Variants in ZBTB20 observed in about 807,000 individuals in gnomAD.
The protein encoded by ZBTB20 is zinc finger and BTB domain containing 20.
Under a neutral mutation model 56.9 loss-of-function variants are expected in ZBTB20, and 9 were observed. That is an observed-to-expected ratio of 0.16 (90% CI 0.10 to 0.28). The LOEUF is 0.28. ZBTB20 is among the 10% of genes least tolerant of loss of function. The pLI is 1.00. For missense variants in ZBTB20, 655 were observed against 1,003.0 expected (o/e 0.65, Z 4.69); for synonymous variants, 417 against 420.7 (o/e 0.99, Z 0.11).
chr3:114,653,110 T>C (rs1175765189), intron 6 of ZBTB20, among the ~76,000 whole-genome samples: 1 of 151,978 alleles, frequency 6.6e-6, no homozygotes, highest in Admixed American at 6.6e-5. Flanking sequence ...TCCTTTCCTA[T>C]GCTTATACCT....
At chr3:114,996,430 T>C (rs1049744307) in intron 2 of ZBTB20, among the ~76,000 whole-genome samples, 2 of 151,730 alleles carry the variant, frequency 1.3e-5, no homozygotes, top group Non-Finnish European at 2.9e-5. Context: ...ATTGTTCAAA[T>C]CCCACTTATG....
At chr3:114,434,315 G>A (rs1309242549) in intron 7 of ZBTB20, among the ~76,000 whole-genome samples, 1 of 152,058 alleles carries the variant, frequency 6.6e-6, no homozygotes, top group Non-Finnish European at 1.5e-5. Flanking sequence ...TAGCCCCTAA[G>A]GAGTATGAGT....
At chr3:114,991,601 C>T (rs2078813255) in intron 2 of ZBTB20, among the ~76,000 whole-genome samples, 1 of 152,080 alleles carries the variant, frequency 6.6e-6, no homozygotes, top group African/African-American at 2.4e-5. Flanking sequence ...GTGGAGAGTT[C>T]TGTAGATGTC....
chr3:114,734,396 CTG>C (rs2065982602), intron 5 of ZBTB20, among the ~76,000 whole-genome samples: 1 of 151,960 alleles, frequency 6.6e-6, no homozygotes, highest in South Asian at 2.1e-4. Context: ...TTGAAAAAAA[CTG>C]TTACAATATG....
intron 5 of ZBTB20, among the ~76,000 whole-genome samples, chr3:114,766,297 A>T (rs2068781396): frequency 6.6e-6 from 1 of 152,082 alleles, no homozygotes; most frequent in African/African-American, 2.4e-5. Context: ...GGGCACAGAA[A>T]CGGATAAAAA....
At chr3:114,454,167 A>G (rs2091834735) in intron 7 of ZBTB20, among the ~76,000 whole-genome samples, 2 of 107,416 alleles carry the variant, frequency 1.9e-5, no homozygotes, top group Admixed American at 1.1e-4. Flanking sequence ...GAGAGAGGAA[A>G]AGAGAAGGGA....
intron 3 of ZBTB20, among the ~76,000 whole-genome samples, chr3:114,919,200 G>A (rs1341055912): frequency 6.6e-6 from 1 of 152,112 alleles, no homozygotes; most frequent in Non-Finnish European, 1.5e-5. Flanking sequence ...TGGGGGCCTG[G>A]GGGAAAAGCA....
intron 2 of ZBTB20, among the ~76,000 whole-genome samples, chr3:115,012,195 C>T (rs1418177360): frequency 3.3e-5 from 5 of 151,522 alleles, no homozygotes; most frequent in Admixed American, 2.6e-4. Flanking sequence ...AACAAAATGG[C>T]GGGAGTAAGT....
intron 1 of ZBTB20, among the ~76,000 whole-genome samples, chr3:115,072,954 T>C (rs1365479625): frequency 6.6e-6 from 1 of 152,174 alleles, no homozygotes; most frequent in African/African-American, 2.4e-5. Flanking sequence ...ATATCTGTCT[T>C]ATGAGATTGT....
chr3:114,927,731 T>TA (rs1371655015), intron 3 of ZBTB20, among the ~76,000 whole-genome samples: 4 of 152,126 alleles, frequency 2.6e-5, no homozygotes, highest in African/African-American at 7.2e-5. Flanking sequence ...GTGTAAAATT[T>TA]AAAAAAACCT....
chr3:114,633,012 T>C (rs1394785732), intron 6 of ZBTB20, among the ~76,000 whole-genome samples: 1 of 152,228 alleles, frequency 6.6e-6, no homozygotes, highest in Non-Finnish European at 1.5e-5. Context: ...AGACCAAACA[T>C]GAATATGACT....
chr3:114,996,078 T>G (rs1304514110), intron 2 of ZBTB20, among the ~76,000 whole-genome samples: 1 of 151,846 alleles, frequency 6.6e-6, no homozygotes, highest in Non-Finnish European at 1.5e-5. Context: ...GTAAATAAGA[T>G]AGCAATTATC....
At chr3:115,082,111 T>C (rs2082817395) in intron 1 of ZBTB20, among the ~76,000 whole-genome samples, 1 of 152,218 alleles carries the variant, frequency 6.6e-6, no homozygotes, top group African/African-American at 2.4e-5. Context: ...ACCTGCACTA[T>C]TCCTTATGAT....
intron 2 of ZBTB20, among the ~76,000 whole-genome samples, chr3:114,986,362 C>T (rs1400480751): frequency 2.0e-5 from 3 of 152,112 alleles, no homozygotes; most frequent in African/African-American, 7.2e-5. Flanking sequence ...AAAGCTACAA[C>T]AAACACTCGG....
intron 3 of ZBTB20, among the ~76,000 whole-genome samples, chr3:114,922,445 A>G (rs533622743): frequency 1.3e-5 from 2 of 152,136 alleles, no homozygotes; most frequent in African/African-American, 2.4e-5. Flanking sequence ...AGAAAAAAAA[A>G]CCTGTTGAAA....
At chr3:115,022,201 T>G (rs2080234348) in intron 2 of ZBTB20, among the ~76,000 whole-genome samples, 2 of 150,846 alleles carry the variant, frequency 1.3e-5, no homozygotes, top group Non-Finnish European at 3.0e-5. Context: ...ATAAAAATTT[T>G]AAAAGTATAA....
intron 5 of ZBTB20, among the ~76,000 whole-genome samples, chr3:114,759,691 T>TC (rs1156933953): frequency 2.0e-5 from 3 of 151,668 alleles, no homozygotes; most frequent in Non-Finnish European, 4.4e-5. Flanking sequence ...TCATTTAGCC[T>TC]TAAAAAAAAA....
rs2078947969 is a variant in ZBTB20, at chr3:114,322,976, T to C, written c.*16029A>G. 1 of 152,204 alleles carries C rather than the reference T, an allele frequency of 6.6e-6. No homozygotes were observed. Among genetic ancestry groups the C allele is most frequent in the African/African-American group, 2.4e-5 (1 of 41,450 alleles). 9.4% of individuals were successfully genotyped at this position (152,204 alleles called of 1,614,324 possible). On this transcript the variant is annotated 3_prime_UTR_variant, in exon 12 of 12. Transcript: ENST00000675478. ...AGAAATTCAACATTAGCCATTTATA[T>C]GGGTTGTGATCCTTTCCTACTGTGC...
At chr3:114,703,022 G>C (rs546074035) in intron 5 of ZBTB20, among the ~76,000 whole-genome samples, 1 of 152,096 alleles carries the variant, frequency 6.6e-6, no homozygotes, top group South Asian at 2.1e-4. Context: ...GTTAGAGAGA[G>C]TGTGTGTGTG....
Sources: allele counts gnomAD v4.1 joint callset (sites outside exome capture counted in the v4.1 genomes callset), GRCh38; gene constraint gnomAD v4.1.1; transcripts MANE v1.5; gene names NCBI Gene and HGNC (gene_info 2026-07-23, HGNC 2026-07-21).